Variants in NXT2 observed in about 807,000 individuals in gnomAD.
The protein encoded by NXT2 is NTF2-related export protein 2.
A neutral mutation model predicts 9.6 loss-of-function variants in NXT2; 1 was observed. The observed-to-expected ratio is 0.10, with a 90% CI of 0.04 to 0.49. NXT2 has a LOEUF of 0.49. NXT2 is among the 20% of genes least tolerant of loss of function. The pLI is 0.95. For synonymous variants in NXT2, 22 were observed against 35.4 expected (o/e 0.62, Z 1.34); for missense variants, 48 against 100.3 (o/e 0.48, Z 2.23).
intron 2 of NXT2, among the ~76,000 whole-genome samples, chrX:109,541,055 A>G (rs1933407964): frequency 8.9e-6 from 1 of 112,184 alleles, no homozygotes; most frequent in South Asian, 3.7e-4. Context: ...ACTAGCATTA[A>G]AGGGTACAGG....
rs1025974360 is a variant in NXT2 at position 109,544,323 on chromosome X, C to T, written c.*1635C>T. The T allele has an allele frequency of 7.1e-5, 8 of 112,436 alleles. No homozygotes were observed. The highest frequency in any genetic ancestry group is 1.5e-4 in the Non-Finnish European group (8 of 53,128). 9.3% of individuals were successfully genotyped at this position (112,436 alleles called of 1,213,427 possible). ...GAATTGTATGGAACTCAAATTTAAA[C>T]CATGCTTTCTTGTAGTACTGATTGA... On this transcript the variant is annotated 3_prime_UTR_variant, in exon 4 of 4. Transcript: ENST00000372106.
intron 2 of NXT2, among the ~76,000 whole-genome samples, chrX:109,538,877 T>TTA (rs1395585722): frequency 5.3e-4 from 59 of 110,596 alleles, no homozygotes; most frequent in East Asian, 1.7e-3. Flanking sequence ...GCATAGGATT[T>TTA]TATATATATA....
intron 1 of NXT2, 42 bp downstream of exon 1, chrX:109,537,063 C>T: frequency 8.4e-7 from 1 of 1,188,528 alleles, no homozygotes; most frequent in Non-Finnish European, 1.1e-6. Flanking sequence ...GCGCCGGACT[C>T]CAGTGGCTGA....
In NXT2 at chrX:109,542,940, T is replaced by G. The variant is rs765562090; in HGVS notation, c.*252T>G. 3.9e-4 allele frequency: 86 copies of G among 219,542 alleles called. 1 individual carries two copies. The highest frequency in any genetic ancestry group is 6.2e-4 in the Non-Finnish European group (76 of 122,728). The allele number at this position is 219,542 out of a possible 1,213,427, so 18.1% of individuals were successfully genotyped here. A position where few individuals can be genotyped will look rare whatever the true frequency, so the allele number is the denominator to read the frequency against. ...TTATAATAATATTAAACACATGATCTTGGTACTAACATACTCACTGTGAAC... is the reference window on the plus strand; with the variant it reads ...TTATAATAATATTAAACACATGATCGTGGTACTAACATACTCACTGTGAAC... On this transcript the variant is annotated 3_prime_UTR_variant, in exon 4 of 4. Transcript: ENST00000372106.
rs991372229 is a variant in NXT2, at chrX:109,544,358, G to T, written c.*1670G>T. The T allele has an allele frequency of 2.0e-4, 23 of 112,383 alleles. No individual in the cohort carries two copies. Among genetic ancestry groups the T allele is most frequent in the East Asian group, 1.7e-3 (6 of 3,596 alleles). 9.3% of individuals were successfully genotyped at this position (112,383 alleles called of 1,213,427 possible). ...TTGTAGTACTGATTGAAACTTACAC[G>T]TTTTATTCTACTCATAGTGAGCTTA... On this transcript the variant is annotated 3_prime_UTR_variant, in exon 4 of 4. Coordinates refer to ENST00000372106, the MANE Select transcript of NXT2 (RefSeq NM_001242617.2).
At chrX:109,540,262 G>GA (rs199887174) in intron 2 of NXT2, among the ~76,000 whole-genome samples, 4 of 108,117 alleles carry the variant, frequency 3.7e-5, no homozygotes, top group African/African-American at 6.7e-5. Flanking sequence ...AAATAAAGTA[G>GA]AAAAAAAAAG....
At chrX:109,537,281 T>G in intron 1 of NXT2, 2 of 968,996 alleles carry the variant, frequency 2.1e-6, no homozygotes, top group Non-Finnish European at 2.6e-6. Context: ...GTTTGTTGTT[T>G]ATGGCTTGCA....
chrX:109,537,405 A>AT, intron 1 of NXT2: 1 of 775,332 alleles, frequency 1.3e-6, no homozygotes, highest in African/African-American at 2.2e-5. Flanking sequence ...TACATGAATG[A>AT]GAAGGAAGGT....
rs1241548022 is a variant in NXT2 at position 109,543,941 on chromosome X, C to T, written c.*1253C>T. ...GAATTATTTAATTTTGTGATTTGTT[C>T]TTCCATATGACATTGAGCAAATAGA... On this transcript the variant is annotated 3_prime_UTR_variant, in exon 4 of 4. Transcript: ENST00000372106. 1.8e-5 allele frequency: 2 copies of T among 112,160 alleles called. No individual in the cohort carries two copies. The highest frequency in any genetic ancestry group is 6.5e-5 in the African/African-American group (2 of 30,855). The allele number at this position is 112,160 out of a possible 1,213,427, so 9.2% of individuals were successfully genotyped here. A position where few individuals can be genotyped will look rare whatever the true frequency, so the allele number is the denominator to read the frequency against.
intron 2 of NXT2, among the ~76,000 whole-genome samples, chrX:109,540,431 G>A (rs1026641918): frequency 2.9e-4 from 32 of 110,375 alleles, no homozygotes; most frequent in African/African-American, 8.6e-4. Flanking sequence ...GGGTTCAAGC[G>A]ATTCTCCTGC....
chrX:109,536,856 T>C lies in NXT2; in HGVS notation c.-151T>C. 1 of 1,150,129 alleles carries C rather than the reference T, an allele frequency of 8.7e-7. No individual in the cohort carries two copies. Among genetic ancestry groups the C allele is most frequent in the Non-Finnish European group, 1.2e-6 (1 of 860,613 alleles). 94.8% of individuals were successfully genotyped at this position (1,150,129 alleles called of 1,213,427 possible). On this transcript the variant is annotated 5_prime_UTR_variant, in exon 1 of 4. Transcript: ENST00000372106. ...TGCTTTTAACGACGGACCGAGCTAC[T>C]TCCGGGAGAGAATGGGAGGGTGGAA...
intron 2 of NXT2, 69 bp from the exon 3 acceptor site, chrX:109,541,406 T>C (rs1487229403): frequency 1.0e-6 from 1 of 963,990 alleles, no homozygotes; most frequent in African/African-American, 2.0e-5. Context: ...AATATTTTAA[T>C]CCATTTCTAT....
intron 1 of NXT2, 62 bp downstream of exon 1, chrX:109,537,083 T>G: frequency 8.6e-7 from 1 of 1,166,254 alleles, no homozygotes; most frequent in Middle Eastern, 2.7e-4. Flanking sequence ...AGAGGAGGGA[T>G]TCCGGGGCGG....
At chrX:109,536,591 C>T (rs1443910861), upstream of NXT2, 1 of 178,106 alleles carries the variant, frequency 5.6e-6, no homozygotes, top group African/African-American at 3.0e-5. Flanking sequence ...TCTAATTGGT[C>T]TTCAGAGGGC....
chrX:109,536,181 A>G (rs113731871), upstream of NXT2, among the ~76,000 whole-genome samples: 1 of 111,214 alleles, frequency 9.0e-6, no homozygotes, highest in Non-Finnish European at 1.9e-5. Context: ...AATAATAGCA[A>G]TTACCTCAGC....
At chrX:109,536,015 C>A, upstream of NXT2, 1 of 1,071,290 alleles carries the variant, frequency 9.3e-7, no homozygotes, top group East Asian at 3.2e-5. Context: ...CCATTTAAAT[C>A]AGAAGTCATT....
chrX:109,540,210 G>C (rs1299611157), intron 2 of NXT2, among the ~76,000 whole-genome samples: 1 of 111,234 alleles, frequency 9.0e-6, no homozygotes. Flanking sequence ...GATGTTTATT[G>C]TGCCTTGCCT....
rs997692599 is a variant in NXT2, at chrX:109,544,135, C to A, written c.*1447C>A. Reference sequence around the variant, plus strand: ...CAGCTTTTGCTTAAACATTAAATATCTTTTCCATTTTTTAATGTTTGTAAG... The same window carrying A: ...CAGCTTTTGCTTAAACATTAAATATATTTTCCATTTTTTAATGTTTGTAAG... On this transcript the variant is annotated 3_prime_UTR_variant, in exon 4 of 4. Transcript: ENST00000372106. 1.8e-5 allele frequency: 2 copies of A among 112,539 alleles called. No individual in the cohort carries two copies. Among genetic ancestry groups the A allele is most frequent in the Non-Finnish European group, 3.8e-5 (2 of 53,075 alleles). 9.3% of individuals were successfully genotyped at this position (112,539 alleles called of 1,213,427 possible). A position where few individuals can be genotyped will look rare whatever the true frequency, so the allele number is the denominator to read the frequency against.
chrX:109,544,533 C>G lies in NXT2; in HGVS notation c.*1845C>G, dbSNP rs1478291380. ...ACTACATTGAACGGTGTGCATTGTT[C>G]ATGATTGTTGTGTTTTAAGACTTGT... On this transcript the variant is annotated 3_prime_UTR_variant, in exon 4 of 4. Transcript: ENST00000372106. 8.9e-6 allele frequency: 1 copy of G among 112,551 alleles called. No individual in the cohort carries two copies. The highest frequency in any genetic ancestry group is 3.2e-5 in the African/African-American group (1 of 31,003). 9.3% of individuals were successfully genotyped at this position (112,551 alleles called of 1,213,427 possible).
Sources: allele counts gnomAD v4.1 joint callset (sites outside exome capture counted in the v4.1 genomes callset), GRCh38; gene constraint gnomAD v4.1.1; transcripts MANE v1.5; gene names NCBI Gene and HGNC (gene_info 2026-07-23, HGNC 2026-07-21).